SEC22C: variants seen among roughly 807,000 people sequenced by gnomAD.
SEC22C encodes the protein SEC22 homolog C, vesicle trafficking protein.
A neutral mutation model predicts 34.7 loss-of-function variants in SEC22C; 29 were observed. The ratio of observed to expected loss-of-function variants is 0.84; its 90% CI spans 0.62 to 1.14. The LOEUF is 1.14. SEC22C is among the 50% of genes most tolerant of loss of function. The pLI is 0.00. For synonymous variants in SEC22C, 117 were observed against 132.8 expected (o/e 0.88, Z 0.82); for missense variants, 337 against 369.0 (o/e 0.91, Z 0.71).
At chr3:42,592,910 TC>T (rs138493932) in intron 1 of SEC22C, among the ~76,000 whole-genome samples, 1 of 152,174 alleles carries the variant, frequency 6.6e-6, no homozygotes, top group African/African-American at 2.4e-5. Flanking sequence ...AAATGTTTTG[TC>T]CCTTCTTGAA....
chr3:42,586,405 T>C (rs1704609827), upstream of SEC22C, among the ~76,000 whole-genome samples: 1 of 152,086 alleles, frequency 6.6e-6, no homozygotes, highest in African/African-American at 2.4e-5. Flanking sequence ...GTATTTTTAG[T>C]AGAGACAGGG....
intron 1 of SEC22C, among the ~76,000 whole-genome samples, chr3:42,599,111 G>C (rs1044479180): frequency 6.6e-6 from 1 of 151,442 alleles, no homozygotes; most frequent in African/African-American, 2.4e-5. Context: ...GACTACGGGC[G>C]ACCGCCACCA....
intron 2 of SEC22C, chr3:42,566,797 A>AGT (rs771480615): frequency 2.4e-6 from 1 of 412,946 alleles, no homozygotes; most frequent in Non-Finnish European, 4.9e-6. Flanking sequence ...TGAGCCTAGG[A>AGT]GTTTAAGACC....
intron 1 of SEC22C, among the ~76,000 whole-genome samples, chr3:42,580,912 T>C (rs1704295718): frequency 6.6e-6 from 1 of 152,246 alleles, no homozygotes; most frequent in African/African-American, 2.4e-5. Context: ...TCCACTGTAT[T>C]ACCTTGAAGT....
At chr3:42,556,124 C>T in intron 5 of SEC22C, 129 bp from the exon 6 acceptor site, 1 of 680,762 alleles carries the variant, frequency 1.5e-6, no homozygotes, top group Non-Finnish European at 2.5e-6. Context: ...GGGTGAGACA[C>T]AAGTTCCTGT....
chr3:42,568,244 T>C (rs1703377978), intron 2 of SEC22C, among the ~76,000 whole-genome samples: 1 of 151,968 alleles, frequency 6.6e-6, no homozygotes, highest in African/African-American at 2.4e-5. Flanking sequence ...CCTCCCTCCT[T>C]ACCTTTTCTC....
intron 1 of SEC22C, among the ~76,000 whole-genome samples, chr3:42,573,136 G>T (rs2125717757): frequency 6.6e-6 from 1 of 152,202 alleles, no homozygotes; most frequent in African/African-American, 2.4e-5. Flanking sequence ...ATAGGGGTGA[G>T]CCACCACACC....
At chr3:42,563,217 G>A (rs1396792846) in intron 3 of SEC22C, among the ~76,000 whole-genome samples, 3 of 152,278 alleles carry the variant, frequency 2.0e-5, no homozygotes, top group East Asian at 3.9e-4. Context: ...TAAAACAGGC[G>A]GCTGGCCTAT....
chr3:42,595,969 G>A (rs1206436253), intron 1 of SEC22C, among the ~76,000 whole-genome samples: 1 of 152,182 alleles, frequency 6.6e-6, no homozygotes, highest in Non-Finnish European at 1.5e-5. Context: ...CTAATGTGCT[G>A]AGGGCTCTGG....
chr3:42,594,724 T>A (rs1704980829), intron 1 of SEC22C: 1 of 410,482 alleles, frequency 2.4e-6, no homozygotes, highest in Admixed American at 4.0e-5. Flanking sequence ...ATTAAGCAAA[T>A]CCCTCAATAA....
upstream of SEC22C, among the ~76,000 whole-genome samples, chr3:42,585,208 T>C (rs1704571496): frequency 6.6e-6 from 1 of 152,204 alleles, no homozygotes; most frequent in East Asian, 1.9e-4. Context: ...GCGAGTGCTT[T>C]AGAACAGGAC....
At position 42,569,058 on chromosome 3, in the gene SEC22C, G is replaced by A. The variant is rs1386559600; in HGVS notation, c.-12C>T. 1 of 1,612,136 alleles carries A rather than the reference G, an allele frequency of 6.2e-7. No individual in the cohort carries two copies. Among genetic ancestry groups the A allele is most frequent in the African/African-American group, 1.3e-5 (1 of 74,878 alleles). Reference sequence around the variant, plus strand: ...AAGATCACGGACATGGTCCACAAGAGAAGTCATGAGGACACCTGAGGAAAG... The same window carrying A: ...AAGATCACGGACATGGTCCACAAGAAAAGTCATGAGGACACCTGAGGAAAG... On this transcript the variant is annotated 5_prime_UTR_variant, in exon 2 of 7. Coordinates refer to ENST00000264454, the MANE Select transcript of SEC22C (RefSeq NM_032970.4).
chr3:42,568,975 A>C lies in SEC22C; in HGVS notation c.72T>G (p.Phe24Leu). Reference protein sequence around the residue: ...DGLPLSASTDFYHTQDFLEWR... With the variant: ...DGLPLSASTDLYHTQDFLEWR... ...ATTCCAAAAAATCTTGGGTGTGGTA[A>C]AAATCAGTAGAGGCTGAGAGGGGCA... Residue 24 changes from phenylalanine to leucine, a missense_variant, in exon 2 of 7, where the codon TTT becomes TTG. By Grantham distance (22) the Phe-to-Leu change is conservative. Coordinates refer to ENST00000264454, the MANE Select transcript of SEC22C (RefSeq NM_032970.4). The C allele has an allele frequency of 6.2e-7, 1 of 1,614,182 alleles. No individual in the cohort carries two copies. The highest frequency in any genetic ancestry group is 1.7e-5 in the Admixed American group (1 of 60,016).
At chr3:42,574,742 T>C (rs1233676785) in intron 1 of SEC22C, among the ~76,000 whole-genome samples, 1 of 152,140 alleles carries the variant, frequency 6.6e-6, no homozygotes, top group Non-Finnish European at 1.5e-5. Flanking sequence ...GTCATACACA[T>C]ACTCACACAC....
At chr3:42,587,079 C>T (rs1457651506) in intron 1 of SEC22C, among the ~76,000 whole-genome samples, 1 of 152,202 alleles carries the variant, frequency 6.6e-6, no homozygotes, top group Non-Finnish European at 1.5e-5. Context: ...TTTCTCATTG[C>T]TCCCACTATC....
chr3:42,599,301 A>T (rs968505236), intron 1 of SEC22C, among the ~76,000 whole-genome samples: 11 of 151,932 alleles, frequency 7.2e-5, no homozygotes, highest in Admixed American at 2.0e-4. Flanking sequence ...AAAAAAACTT[A>T]TAAAATAGTG....
Position 42,554,586 on chromosome 3 carries a change from C to T in SEC22C, c.712-1138G>A, listed in dbSNP as rs371097747. 1.3e-3 allele frequency among the ~76,000 whole-genome samples: 197 copies of T among 152,278 alleles called. No individual in the cohort carries two copies. In the Middle Eastern group the frequency reaches 0.02, roughly 16 times the overall value. On this transcript the variant is annotated intron_variant, in intron 6 of 6. Transcript: ENST00000264454. ...AACTCCTGGCCTCAAGTGATCCACA[C>T]ATCTTGGCCTCCCAAAGTGCTAGGA... is the stretch of plus-strand genomic sequence containing the variant.
At chr3:42,600,975 C>T (rs1291964875) in exon 1 of SEC22C, 4 of 1,516,086 alleles carry the variant, frequency 2.6e-6, no homozygotes, top group African/African-American at 2.8e-5. Flanking sequence ...TTCTCCCCCT[C>T]TCTCCCAGCT....
intron 2 of SEC22C, among the ~76,000 whole-genome samples, chr3:42,567,774 T>C (rs1026092295): frequency 6.6e-6 from 1 of 152,120 alleles, no homozygotes; most frequent in African/African-American, 2.4e-5. Flanking sequence ...TGTCACATAA[T>C]AAAAATTTAA....
Sources: allele counts gnomAD v4.1 joint callset (sites outside exome capture counted in the v4.1 genomes callset), GRCh38; gene constraint gnomAD v4.1.1; transcripts MANE v1.5; gene names NCBI Gene and HGNC (gene_info 2026-07-23, HGNC 2026-07-21).